Variants in COLEC12 observed in about 807,000 individuals in gnomAD.
COLEC12 encodes the protein collectin subfamily member 12.
In COLEC12, 33 loss-of-function variants were observed where a neutral mutation model predicts 71.1. The observed-to-expected ratio is 0.46, with a 90% CI of 0.35 to 0.62. The LOEUF is 0.62. Among genes scored for constraint, COLEC12 ranks in the 20% least tolerant of loss-of-function variants. The pLI is 0.00. For missense variants in COLEC12, 765 were observed against 916.1 expected (o/e 0.84, Z 2.13); for synonymous variants, 350 against 353.0 (o/e 0.99, Z 0.10).
At chr18:333,337 C>CA in intron 6 of COLEC12, 194 bp from the exon 7 acceptor site, 1 of 501,796 alleles carries the variant, frequency 2.0e-6, no homozygotes, top group African/African-American at 1.9e-5. Flanking sequence ...GAGCACAAGC[C>CA]AAAACCACAT....
chr18:458,605 C>T (rs1157301403), intron 2 of COLEC12, among the ~76,000 whole-genome samples: 1 of 152,240 alleles, frequency 6.6e-6, no homozygotes, highest in African/African-American at 2.4e-5. Flanking sequence ...GAGCTGAGGA[C>T]CCCCTGATGG....
intron 2 of COLEC12, among the ~76,000 whole-genome samples, chr18:401,581 C>T (rs1915687704): frequency 1.3e-5 from 2 of 152,218 alleles, no homozygotes; most frequent in East Asian, 3.9e-4. Flanking sequence ...GCGACTGCCT[C>T]GGACTAGAAG....
intron 2 of COLEC12, among the ~76,000 whole-genome samples, chr18:406,632 C>A (rs115536417): frequency 2.6e-5 from 4 of 151,560 alleles, no homozygotes; most frequent in Non-Finnish European, 5.9e-5. Flanking sequence ...TCACTTTACT[C>A]TATGGACTCA....
At chr18:484,386 A>T (rs1050474676) in intron 1 of COLEC12, among the ~76,000 whole-genome samples, 3 of 152,194 alleles carry the variant, frequency 2.0e-5, no homozygotes, top group African/African-American at 7.2e-5. Flanking sequence ...CCTGCTTCTC[A>T]TCTTAACCCT....
At chr18:377,045 G>A (rs1027901812) in intron 2 of COLEC12, among the ~76,000 whole-genome samples, 2 of 152,222 alleles carry the variant, frequency 1.3e-5, no homozygotes, top group Admixed American at 1.3e-4. Flanking sequence ...TAGATGTCAG[G>A]GTTCCCCTGC....
chr18:461,750 A>G (rs1916987662), intron 2 of COLEC12, among the ~76,000 whole-genome samples: 1 of 152,076 alleles, frequency 6.6e-6, no homozygotes, highest in Non-Finnish European at 1.5e-5. Flanking sequence ...GACTTGCTGC[A>G]TATCTCAATT....
At chr18:328,450 G>A (rs1028391791) in intron 8 of COLEC12, among the ~76,000 whole-genome samples, 2 of 152,160 alleles carry the variant, frequency 1.3e-5, no homozygotes, top group African/African-American at 4.8e-5. Flanking sequence ...GGACTTGAGT[G>A]AGACACTGTG....
chr18:354,828 G>A (rs999725697), intron 3 of COLEC12, among the ~76,000 whole-genome samples: 5 of 152,130 alleles, frequency 3.3e-5, no homozygotes, highest in Non-Finnish European at 5.9e-5. Flanking sequence ...ACATCATCTC[G>A]TTTCCCCTTG....
At chr18:398,147 T>A (rs3932728) in intron 2 of COLEC12, among the ~76,000 whole-genome samples, 3 of 152,180 alleles carry the variant, frequency 2.0e-5, no homozygotes, top group Non-Finnish European at 4.4e-5. Context: ...ATCGAAACTA[T>A]GAGAAACTGG....
At chr18:373,121 A>T (rs545576382) in intron 2 of COLEC12, among the ~76,000 whole-genome samples, 2 of 152,354 alleles carry the variant, frequency 1.3e-5, no homozygotes, top group Non-Finnish European at 2.9e-5. Context: ...CCTCTTATTC[A>T]ATTTCCATCT....
intron 1 of COLEC12, among the ~76,000 whole-genome samples, chr18:482,289 A>T (rs1238847771): frequency 6.6e-6 from 1 of 151,492 alleles, no homozygotes; most frequent in Non-Finnish European, 1.5e-5. Context: ...AATTTTTGTA[A>T]TTTCAGTAGA....
chr18:409,544 T>C (rs1374502670), intron 2 of COLEC12, among the ~76,000 whole-genome samples: 1 of 152,116 alleles, frequency 6.6e-6, no homozygotes, highest in East Asian at 1.9e-4. Context: ...AAAAGAAATG[T>C]CTACTTTCCC....
At chr18:406,540 AG>A (rs1915793630) in intron 2 of COLEC12, among the ~76,000 whole-genome samples, 1 of 145,918 alleles carries the variant, frequency 6.9e-6, no homozygotes, top group African/African-American at 2.5e-5. Flanking sequence ...AAAAAAAAAA[AG>A]GGCAACCAGC....
chr18:445,418 G>A (rs1473864467), intron 2 of COLEC12, among the ~76,000 whole-genome samples: 4 of 152,172 alleles, frequency 2.6e-5, no homozygotes, highest in Non-Finnish European at 5.9e-5. Flanking sequence ...GGGCAGATCT[G>A]ACGGTTATCT....
chr18:352,440 A>T (rs183412391), intron 3 of COLEC12, among the ~76,000 whole-genome samples: 1 of 152,322 alleles, frequency 6.6e-6, no homozygotes, highest in East Asian at 1.9e-4. Context: ...TGAAAAACAG[A>T]GAACTGTCAT....
At chr18:488,905 A>G (rs1317301908) in intron 1 of COLEC12, among the ~76,000 whole-genome samples, 1 of 152,050 alleles carries the variant, frequency 6.6e-6, no homozygotes, top group Non-Finnish European at 1.5e-5. Context: ...AAGAAAATCA[A>G]TTTAGAGGGT....
intron 2 of COLEC12, among the ~76,000 whole-genome samples, chr18:434,382 A>C (rs1916364233): frequency 6.6e-6 from 1 of 152,246 alleles, no homozygotes; most frequent in Non-Finnish European, 1.5e-5. Flanking sequence ...ATAATGACTG[A>C]TAACAATCCA....
intron 2 of COLEC12, among the ~76,000 whole-genome samples, chr18:364,524 T>C (rs1406620994): frequency 6.6e-6 from 1 of 152,214 alleles, no homozygotes; most frequent in Non-Finnish European, 1.5e-5. Flanking sequence ...CAGAGTGAAC[T>C]GTCAACATTT....
At chr18:368,592 C>T (rs753065084) in intron 2 of COLEC12, among the ~76,000 whole-genome samples, 43 of 151,630 alleles carry the variant, frequency 2.8e-4, no homozygotes, top group Non-Finnish European at 4.9e-4. Flanking sequence ...AGGCCGGGCG[C>T]GGTGGCTCAG....
Sources: allele counts gnomAD v4.1 joint callset (sites outside exome capture counted in the v4.1 genomes callset), GRCh38; gene constraint gnomAD v4.1.1; transcripts MANE v1.5; gene names NCBI Gene and HGNC (gene_info 2026-07-23, HGNC 2026-07-21).